UNC79: variants seen among roughly 807,000 people sequenced by gnomAD.
UNC79 encodes the protein protein unc-79 homolog.
In UNC79, 37 loss-of-function variants were observed where a neutral mutation model predicts 283.1. That is an observed-to-expected ratio of 0.13 (90% CI 0.10 to 0.17). The LOEUF (loss-of-function observed/expected upper bound fraction) is 0.17. Among genes scored for constraint, UNC79 ranks in the 10% least tolerant of loss-of-function variants. The pLI is 1.00. For synonymous variants in UNC79, 1,107 were observed against 1,200.2 expected, an observed-to-expected ratio of 0.92 and a Z score of 1.61; for missense variants, 2,272 against 3,211.1, an observed-to-expected ratio of 0.71 and a Z score of 7.07.
chr14:93,452,018 C>T (rs1435111609), intron 1 of UNC79, among the ~76,000 whole-genome samples: 2 of 152,190 alleles, frequency 1.3e-5, no homozygotes, highest in East Asian at 3.8e-4. Context: ...ATTGTCTTCA[C>T]TTTGCAGTCC....
At chr14:93,347,574 A>C (rs2053882790) in intron 1 of UNC79, among the ~76,000 whole-genome samples, 1 of 150,410 alleles carries the variant, frequency 6.6e-6, no homozygotes, top group South Asian at 2.1e-4. Context: ...TTCCTGGGAG[A>C]GGGTCGCGGT....
At chr14:93,600,004 A>C (rs1018190130) in intron 24 of UNC79, among the ~76,000 whole-genome samples, 1 of 151,982 alleles carries the variant, frequency 6.6e-6, no homozygotes, top group Non-Finnish European at 1.5e-5. Flanking sequence ...GATCGAGACC[A>C]TCCGGCTAAC....
chr14:93,699,132 T>C (rs1363760008), intron 47 of UNC79, among the ~76,000 whole-genome samples: 1 of 152,196 alleles, frequency 6.6e-6, no homozygotes, highest in Non-Finnish European at 1.5e-5. Flanking sequence ...AAAAATGCAA[T>C]CTGACAGTCT....
chr14:93,493,886 T>TAC (rs2058863101), intron 5 of UNC79, among the ~76,000 whole-genome samples: 7 of 62,078 alleles, frequency 1.1e-4, no homozygotes, highest in African/African-American at 3.9e-4. Flanking sequence ...TATATATATA[T>TAC]ATATATATAT....
chr14:93,347,297 C>A (rs771089222), intron 1 of UNC79: 1 of 1,605,302 alleles, frequency 6.2e-7, no homozygotes, highest in Admixed American at 1.7e-5. Flanking sequence ...CGCTGTCCTG[C>A]CCGCCGCCAC....
intron 33 of UNC79, among the ~76,000 whole-genome samples, chr14:93,642,829 C>CT (rs2069189961): frequency 6.6e-6 from 1 of 152,204 alleles, no homozygotes; most frequent in South Asian, 2.1e-4. Flanking sequence ...TGATTCCCTG[C>CT]TATTCCCATT....
intron 1 of UNC79, among the ~76,000 whole-genome samples, chr14:93,465,500 A>G (rs1350922140): frequency 1.3e-5 from 2 of 152,234 alleles, no homozygotes; most frequent in African/African-American, 2.4e-5. Flanking sequence ...TAACATTACA[A>G]GATCTCAAAG....
intron 43 of UNC79, 136 bp downstream of exon 46, chr14:93,686,797 G>C: frequency 1.1e-6 from 1 of 898,286 alleles, no homozygotes; most frequent in South Asian, 1.7e-5. Context: ...CTGTCTTGGG[G>C]GATCAAAGAG....
At chr14:93,334,449 G>A (rs1181975738) in intron 1 of UNC79, 2 of 152,212 alleles carry the variant, frequency 1.3e-5, no homozygotes, top group Admixed American at 6.5e-5. Flanking sequence ...GCCTCAGGGC[G>A]ATAGACAAGA....
intron 35 of UNC79, among the ~76,000 whole-genome samples, chr14:93,652,013 C>T (rs958851173): frequency 6.7e-5 from 10 of 149,284 alleles, no homozygotes; most frequent in Admixed American, 2.0e-4. Context: ...CCACCCACCT[C>T]GGCCTCCCAA....
chr14:93,564,687 TA>T (rs1457292217), intron 14 of UNC79, among the ~76,000 whole-genome samples: 14 of 151,816 alleles, frequency 9.2e-5, no homozygotes, highest in African/African-American at 2.9e-4. Context: ...CGAAGGGAGA[TA>T]GGGGTGGGGC....
chr14:93,550,529 A>AGAAAG lies in UNC79; in HGVS notation c.1755+7833_1755+7834insGAAAG, dbSNP rs1435428342. ...GACTCCGTATCAAAAAAAAAAAAAAAAAAAAAAAAAAAGAGGAAGGAGTCT... is the reference window on the plus strand; with the variant it reads ...GACTCCGTATCAAAAAAAAAAAAAAAGAAAGAAAAAAAAAAAAGAGGAAGGAGTCT... On this transcript the variant is annotated intron_variant, in intron 14 of 48. Transcript: ENST00000555664. Among the ~76,000 whole-genome samples the AGAAAG allele has an allele frequency of 1.6e-4, 10 of 63,272 alleles. 2 individuals carry two copies. Among genetic ancestry groups the AGAAAG allele is most frequent in the Non-Finnish European group, 3.2e-4 (10 of 30,862 alleles). The allele number at this position is 63,272 out of a possible 152,430, so 41.5% of individuals were successfully genotyped here. A position where few individuals can be genotyped will look rare whatever the true frequency, so the allele number is the denominator to read the frequency against.
chr14:93,529,090 G>C (rs2060678212), intron 9 of UNC79, among the ~76,000 whole-genome samples, 196 bp from the exon 10 acceptor site: 1 of 152,186 alleles, frequency 6.6e-6, no homozygotes, highest in Non-Finnish European at 1.5e-5. Context: ...AAAGATAACT[G>C]AATATGATGA....
intron 1 of UNC79, among the ~76,000 whole-genome samples, chr14:93,337,541 C>T (rs2053605281): frequency 6.6e-6 from 1 of 152,220 alleles, no homozygotes; most frequent in African/African-American, 2.4e-5. Context: ...AACACTATAG[C>T]CCTCCTGCCC....
In UNC79 at chr14:93,515,264, A is replaced by ATGTGTGTG. The variant is rs3060596; in HGVS notation, c.899-8694_899-8687dup. ...GAATTTCCATTTGGTCCATATGTAT[A>ATGTGTGTG]TGTGTGTGTGTGTGTGTGTGTGTGT... On this transcript the variant is annotated intron_variant, in intron 7 of 48. Coordinates refer to ENST00000555664, the Ensembl canonical transcript of UNC79. 6.2e-3 allele frequency among the ~76,000 whole-genome samples: 923 copies of ATGTGTGTG among 149,760 alleles called. 5 individuals carry two copies. The highest frequency in any genetic ancestry group is 0.021 in the African/African-American group (853 of 40,768).
chr14:93,498,097 C>T (rs2059102615), intron 7 of UNC79, among the ~76,000 whole-genome samples: 1 of 151,430 alleles, frequency 6.6e-6, no homozygotes, highest in African/African-American at 2.4e-5. Context: ...GAGTTTGAGA[C>T]CAGCCTGGCC....
chr14:93,342,020 C>G (rs1442896508), intron 1 of UNC79, among the ~76,000 whole-genome samples: 2 of 152,138 alleles, frequency 1.3e-5, no homozygotes, highest in African/African-American at 4.8e-5. Context: ...GTTGGTGGAT[C>G]TAACATTCTG....
intron 1 of UNC79, among the ~76,000 whole-genome samples, chr14:93,356,638 G>A (rs115974962): frequency 0.012 from 1,888 of 152,320 alleles, 40 homozygotes; most frequent in African/African-American, 0.043. Context: ...TAGTAGATGA[G>A]CAGAAATAAC....
chr14:93,393,610 A>G (rs1445311121), intron 1 of UNC79, among the ~76,000 whole-genome samples: 1 of 152,252 alleles, frequency 6.6e-6, no homozygotes, highest in African/African-American at 2.4e-5. Context: ...TCAAGTGAAC[A>G]ATGAATATGC....
Sources: allele counts gnomAD v4.1 joint callset (sites outside exome capture counted in the v4.1 genomes callset), GRCh38; gene constraint gnomAD v4.1.1; transcripts MANE v1.5; gene names NCBI Gene and HGNC (gene_info 2026-07-23, HGNC 2026-07-21).